PCDH15: variants seen among roughly 807,000 people sequenced by gnomAD.
PCDH15 encodes the protein protocadherin-15.
A neutral mutation model predicts 178.5 loss-of-function variants in PCDH15; 129 were observed. The ratio of observed to expected loss-of-function variants is 0.72; its 90% CI spans 0.63 to 0.84. The LOEUF is 0.84. PCDH15 is among the 40% of genes least tolerant of loss of function. The pLI is 0.00. For synonymous variants in PCDH15, 800 were observed against 732.0 expected, an observed-to-expected ratio of 1.09 and a Z score of -1.50; for missense variants, 2,230 against 2,099.9, an observed-to-expected ratio of 1.06 and a Z score of -1.21.
At chr10:54,549,481 G>A (rs915521541) in intron 2 of PCDH15, among the ~76,000 whole-genome samples, 4 of 151,564 alleles carry the variant, frequency 2.6e-5, no homozygotes, top group African/African-American at 9.7e-5. Context: ...TTTTATTACT[G>A]AATTACTAAT....
chr10:54,959,213 A>T (rs1838577754), intron 2 of PCDH15, among the ~76,000 whole-genome samples: 1 of 151,810 alleles, frequency 6.6e-6, no homozygotes, highest in Non-Finnish European at 1.5e-5. Context: ...TGCTGCCATT[A>T]GAGGTTAGTA....
At chr10:54,301,370 A>G (rs2060140826) in intron 8 of PCDH15, among the ~76,000 whole-genome samples, 1 of 152,250 alleles carries the variant, frequency 6.6e-6, no homozygotes, top group South Asian at 2.1e-4. Context: ...TCTGTTGTAC[A>G]AAATGAATGA....
intron 32 of PCDH15, chr10:53,821,594 A>C: frequency 8.4e-7 from 1 of 1,183,682 alleles, no homozygotes; most frequent in Non-Finnish European, 1.1e-6. Context: ...CCACTAAAAA[A>C]GAGATTAAAA....
intron 8 of PCDH15, among the ~76,000 whole-genome samples, chr10:54,307,013 TACATATATA>T (rs2060516918): frequency 2.1e-5 from 1 of 48,188 alleles, no homozygotes; most frequent in Non-Finnish European, 5.1e-5. Context: ...TATATATATA[TACATATATA>T]TATATATGTG....
chr10:54,552,235 CCCT>C (rs1422831307), intron 2 of PCDH15, among the ~76,000 whole-genome samples: 1 of 152,068 alleles, frequency 6.6e-6, no homozygotes, highest in African/African-American at 2.4e-5. Flanking sequence ...ATAGGACCAC[CCCT>C]CATCTATTTT....
chr10:55,307,872 A>G (rs1843472540), intron 1 of PCDH15, among the ~76,000 whole-genome samples: 2 of 152,088 alleles, frequency 1.3e-5, no homozygotes, highest in Admixed American at 1.3e-4. Flanking sequence ...AGAAAAAATA[A>G]CATTATGCAA....
At chr10:54,161,041 A>G (rs533371247) in intron 13 of PCDH15, among the ~76,000 whole-genome samples, 28 of 152,268 alleles carry the variant, frequency 1.8e-4, no homozygotes, top group Non-Finnish European at 4.0e-4. Flanking sequence ...CAGAAAAATA[A>G]ACATATATGT....
intron 18 of PCDH15, among the ~76,000 whole-genome samples, chr10:54,060,406 T>C (rs1465884036): frequency 2.0e-5 from 3 of 150,626 alleles, no homozygotes; most frequent in Non-Finnish European, 4.4e-5. Flanking sequence ...ATTTAGTTCA[T>C]AGTGTTGTAA....
intron 8 of PCDH15, among the ~76,000 whole-genome samples, chr10:54,299,140 A>T (rs968738915): frequency 6.6e-6 from 1 of 152,126 alleles, no homozygotes; most frequent in African/African-American, 2.4e-5. Context: ...GACCAGCAGA[A>T]AGGAAAGAGA....
chr10:55,133,997 T>C (rs1229781958), intron 2 of PCDH15, among the ~76,000 whole-genome samples: 1 of 152,164 alleles, frequency 6.6e-6, no homozygotes, highest in Non-Finnish European at 1.5e-5. Context: ...GCAATTAAAA[T>C]AATCCTTTAA....
intron 1 of PCDH15, among the ~76,000 whole-genome samples, chr10:55,231,402 C>A (rs1238107377): frequency 6.6e-6 from 1 of 151,952 alleles, no homozygotes; most frequent in African/African-American, 2.4e-5. Flanking sequence ...CCATTTAGTT[C>A]ATTATTCAAA....
In PCDH15 at chr10:55,336,124, G is replaced by GAA. The variant is rs748988261; in HGVS notation, c.-155-169475_-155-169474dup. Among the ~76,000 whole-genome samples the GAA allele has an allele frequency of 8.3e-3, 492 of 59,282 alleles. 33 individuals are homozygous for GAA. Among genetic ancestry groups the GAA allele is most frequent in the African/African-American group, 0.02 (334 of 16,890 alleles). The allele number at this position is 59,282 out of a possible 152,430, so 38.9% of individuals were successfully genotyped here. ...CCCAAAATATGGCACCTTGGTATTT[G>GAA]AAAAAAAAAAAAAAAAAAAAAAAAA... On this transcript the variant is annotated intron_variant, in intron 2 of 5. Coordinates refer to the PCDH15 transcript ENST00000613346.
chr10:54,356,192 T>A (rs1417280444), intron 5 of PCDH15, among the ~76,000 whole-genome samples: 1 of 152,128 alleles, frequency 6.6e-6, no homozygotes. Flanking sequence ...GTGTCTTTTG[T>A]GTTACATGCT....
intron 10 of PCDH15, among the ~76,000 whole-genome samples, chr10:54,196,384 C>G (rs1312145027): frequency 6.6e-6 from 1 of 152,002 alleles, no homozygotes; most frequent in Non-Finnish European, 1.5e-5. Context: ...CCTCGTGATC[C>G]GCCCGCCTCA....
At chr10:54,864,843 C>T (rs1953907801) in intron 3 of PCDH15, 1 of 152,092 alleles carries the variant, frequency 6.6e-6, no homozygotes, top group Admixed American at 6.6e-5. Flanking sequence ...TGCCACGGTT[C>T]TTTTATAAAC....
At chr10:54,858,364 A>G (rs1953778697) in intron 3 of PCDH15, among the ~76,000 whole-genome samples, 1 of 152,150 alleles carries the variant, frequency 6.6e-6, no homozygotes, top group South Asian at 2.1e-4. Context: ...AGGTGCTGCA[A>G]TGAACATGGT....
intron 25 of PCDH15, among the ~76,000 whole-genome samples, chr10:53,928,621 C>CT (rs2084780087): frequency 2.0e-5 from 3 of 151,978 alleles, no homozygotes; most frequent in Admixed American, 6.5e-5. Flanking sequence ...ACATAAGTGA[C>CT]TTAATAGATT....
chr10:54,896,681 AC>A (rs1479579973), intron 3 of PCDH15, among the ~76,000 whole-genome samples: 1 of 152,110 alleles, frequency 6.6e-6, no homozygotes, highest in Non-Finnish European at 1.5e-5. Flanking sequence ...ATATTTCTGC[AC>A]TTTCTTCCTT....
At chr10:53,957,228 T>C (rs1256651457) in intron 23 of PCDH15, among the ~76,000 whole-genome samples, 2 of 152,134 alleles carry the variant, frequency 1.3e-5, no homozygotes, top group African/African-American at 4.8e-5. Flanking sequence ...AGAACACAGA[T>C]GGGAATTTTA....
Sources: allele counts gnomAD v4.1 joint callset (sites outside exome capture counted in the v4.1 genomes callset), GRCh38; gene constraint gnomAD v4.1.1; transcripts MANE v1.5; gene names NCBI Gene and HGNC (gene_info 2026-07-23, HGNC 2026-07-21).